UACA: variants seen among roughly 807,000 people sequenced by gnomAD.
UACA encodes nuclear membrane binding protein.
In UACA, 112 loss-of-function variants were observed where a neutral mutation model predicts 160.5. That is an observed-to-expected ratio of 0.70 (90% confidence interval 0.60 to 0.82). The LOEUF (loss-of-function observed/expected upper bound fraction) is 0.82, where lower values mean the gene tolerates loss of function less well. Ranked by LOEUF, UACA falls within the 40% of genes least tolerant of loss-of-function variation. The pLI is 0.00. For synonymous variants in UACA, 557 were observed against 568.4 expected, an observed-to-expected ratio of 0.98 and a Z score of 0.29; for missense variants, 1,574 against 1,614.6, an observed-to-expected ratio of 0.97 and a Z score of 0.43.
intron 8 of UACA, among the ~76,000 whole-genome samples, chr15:70,683,592 TG>T (rs1897593527): frequency 6.6e-6 from 1 of 152,158 alleles, no homozygotes; most frequent in South Asian, 2.1e-4. Flanking sequence ...TGTAGAAAAC[TG>T]CTTTATTAAA....
intron 1 of UACA, among the ~76,000 whole-genome samples, chr15:70,740,868 G>A (rs975789236): frequency 2.0e-4 from 31 of 151,384 alleles, no homozygotes; most frequent in Admixed American, 1.9e-3. Flanking sequence ...GTGAAACCCC[G>A]TCTCTACCAG....
intron 1 of UACA, among the ~76,000 whole-genome samples, chr15:70,757,464 C>A (rs2030499528): frequency 6.6e-6 from 1 of 152,132 alleles, no homozygotes; most frequent in Admixed American, 6.5e-5. Flanking sequence ...TCTATCACCC[C>A]TTCTTCATAT....
chr15:70,691,176 G>A (rs1025807038), intron 4 of UACA, 123 bp downstream of exon 4: 6 of 608,998 alleles, frequency 9.9e-6, no homozygotes, highest in South Asian at 3.3e-5. Flanking sequence ...GAAAAAATAT[G>A]TAAGCTCATA....
At position 70,668,170 on chromosome 15, in the gene UACA, C is replaced by T. The variant is rs1449245811; in HGVS notation, c.2514G>A (p.Gln838=). ...CAGATGTGAGAGCGTGTATTTTCTCCTGGTCTTCACCACATTTTTTCTTAA... is the reference window on the plus strand; with the variant it reads ...CAGATGTGAGAGCGTGTATTTTCTCTTGGTCTTCACCACATTTTTTCTTAA... ...SELKKKCGED[Q]EKIHALTSEN... is the part of the protein sequence containing the mutation. Residue 838 remains glutamine, a synonymous_variant, in exon 16 of 19, where the codon CAG becomes CAA. Coordinates refer to ENST00000322954, the MANE Select transcript of UACA (RefSeq NM_018003.4). 1 of 1,612,148 alleles carries T rather than the reference C, an allele frequency of 6.2e-7. No individual in the cohort carries two copies.
chr15:70,762,036 G>T (rs2030788542), intron 1 of UACA, among the ~76,000 whole-genome samples: 1 of 151,876 alleles, frequency 6.6e-6, no homozygotes, highest in Admixed American at 6.6e-5. Context: ...TGACATTTCT[G>T]CCAGTTACTT....
intron 10 of UACA, among the ~76,000 whole-genome samples, chr15:70,679,346 TGAGCCGA>T (rs1897401174): frequency 6.6e-6 from 1 of 151,532 alleles, no homozygotes; most frequent in African/African-American, 2.4e-5. Flanking sequence ...GAGGTTGCAG[TGAGCCGA>T]GATCATGCCA....
intron 4 of UACA, among the ~76,000 whole-genome samples, 192 bp from the exon 5 acceptor site, chr15:70,690,703 G>A (rs7163275): frequency 0.86 from 130,277 of 152,122 alleles, 56,054 homozygotes; most frequent in Admixed American, 0.91. Flanking sequence ...AATTAACAAT[G>A]TTTCACCAAA....
At chr15:70,664,527 T>G in intron 17 of UACA, 135 bp downstream of exon 17, 1 of 1,113,332 alleles carries the variant, frequency 9.0e-7, no homozygotes. Flanking sequence ...TAGGTAACTT[T>G]TCGCATATAA....
At chr15:70,763,235 A>T in intron 1 of UACA, 95 bp downstream of exon 1, 1 of 1,244,916 alleles carries the variant, frequency 8.0e-7, no homozygotes. Flanking sequence ...CTGGCAGAGG[A>T]AAAGCAGAGG....
At chr15:70,690,003 C>T (rs1897870773) in intron 5 of UACA, among the ~76,000 whole-genome samples, 1 of 152,042 alleles carries the variant, frequency 6.6e-6, no homozygotes, top group Non-Finnish European at 1.5e-5. Flanking sequence ...CTACTTATTG[C>T]AGTAGTATTA....
intron 1 of UACA, among the ~76,000 whole-genome samples, chr15:70,725,181 C>T (rs1241479469): frequency 6.6e-6 from 1 of 152,068 alleles, no homozygotes; most frequent in Admixed American, 6.6e-5. Context: ...AATTATTTTT[C>T]CCCAAAAGCT....
chr15:70,726,936 A>T (rs1026915863), intron 1 of UACA, among the ~76,000 whole-genome samples: 1 of 152,122 alleles, frequency 6.6e-6, no homozygotes, highest in Non-Finnish European at 1.5e-5. Context: ...CAAGCAGAGG[A>T]TGAGTGGTGA....
upstream of UACA, among the ~76,000 whole-genome samples, chr15:70,767,274 AAC>A (rs1452049323): frequency 9.0e-4 from 107 of 119,452 alleles, 12 homozygotes; most frequent in African/African-American, 3.6e-3. Context: ...CAAAAACAAA[AAC>A]AACAACAATA....
chr15:70,686,019 C>T (rs1001344096), intron 7 of UACA, among the ~76,000 whole-genome samples: 7 of 151,964 alleles, frequency 4.6e-5, no homozygotes, highest in Non-Finnish European at 4.4e-5. Flanking sequence ...AAGTGATCCG[C>T]GCCCAGCCGT....
In UACA at chr15:70,682,803, T is replaced by C; in HGVS notation, c.785-8A>G. On this transcript the variant is annotated splice_region_variant and splice_polypyrimidine_tract_variant and intron_variant, in intron 8 of 18. Coordinates refer to ENST00000322954, the MANE Select transcript of UACA (RefSeq NM_018003.4). ...TCTTCCAAAGTTCTCTCCCTAAGAT[T>C]TAGAGAAAAAGAGAAACAACAAAAT... 1 of 1,555,926 alleles carries C rather than the reference T, an allele frequency of 6.4e-7. No homozygotes were observed. Among genetic ancestry groups the C allele is most frequent in the Non-Finnish European group, 8.7e-7 (1 of 1,153,694 alleles).
At chr15:70,723,911 C>T (rs1005601606) in intron 1 of UACA, among the ~76,000 whole-genome samples, 26 of 152,160 alleles carry the variant, frequency 1.7e-4, no homozygotes, top group Non-Finnish European at 3.5e-4. Context: ...GGATTACAGG[C>T]GTGAGCCACC....
intron 1 of UACA, among the ~76,000 whole-genome samples, chr15:70,762,399 T>C (rs898360119): frequency 8.5e-5 from 13 of 152,386 alleles, no homozygotes; most frequent in Non-Finnish European, 1.3e-4. Flanking sequence ...ACAACTCCTT[T>C]ACGTTCGACT....
Position 70,668,908 on chromosome 15 carries a change from C to T in UACA, c.1776G>A (p.Gln592=), listed in dbSNP as rs1392493964. The stretch of plus-strand genomic sequence containing the variant: ...CCATTTCACACATACTAAGTTCCTT[C>T]TGTAATCGCTTATTTTCTTCTATCA... ...GKLIEENKRL[Q]KELSMCEMER... Residue 592 remains glutamine (Q), a synonymous_variant, in exon 16 of 19, where the codon CAG becomes CAA. Transcript: ENST00000322954. The T allele has an allele frequency of 1.9e-6, 3 of 1,613,272 alleles. No individual in the cohort carries two copies. Among genetic ancestry groups the T allele is most frequent in the African/African-American group, 2.7e-5 (2 of 74,814 alleles).
At chr15:70,666,635 C>T (rs1313561125) in intron 16 of UACA, 89 bp downstream of exon 16, 14 of 1,096,790 alleles carry the variant, frequency 1.3e-5, no homozygotes, top group Non-Finnish European at 1.7e-5. Context: ...TTTGTTAATA[C>T]CTGTGTCTAC....
Sources: allele counts gnomAD v4.1 joint callset (sites outside exome capture counted in the v4.1 genomes callset), GRCh38; gene constraint gnomAD v4.1.1; transcripts MANE v1.5; gene names NCBI Gene and HGNC (gene_info 2026-07-23, HGNC 2026-07-21).